The following NELL1 variants were observed in gnomAD, a reference collection of about 807,000 sequenced individuals.
NELL1 encodes neural EGFL like 1.
In NELL1, 76 loss-of-function variants were observed where a neutral mutation model predicts 107.4. That is an observed-to-expected ratio of 0.71 (90% CI 0.59 to 0.86). The LOEUF (loss-of-function observed/expected upper bound fraction) is 0.86, where lower values mean the gene tolerates loss of function less well. Among genes scored for constraint, NELL1 ranks in the 40% least tolerant of loss-of-function variants. The probability of loss-of-function intolerance (pLI) is 0.00; values close to 1 mark genes in which losing one functional copy is unlikely to be tolerated. For missense variants in NELL1, 1,024 were observed against 1,005.5 expected (o/e 1.02, Z -0.25); for synonymous variants, 353 against 341.2 (o/e 1.03, Z -0.38).
At chr11:20,822,237 A>C (rs1347758429) in intron 3 of NELL1, among the ~76,000 whole-genome samples, 1 of 152,208 alleles carries the variant, frequency 6.6e-6, no homozygotes, top group Non-Finnish European at 1.5e-5. Context: ...TGAAGAGGTA[A>C]GCTCAAGGGA....
intron 5 of NELL1, among the ~76,000 whole-genome samples, chr11:20,906,878 G>A (rs1351833076): frequency 6.6e-6 from 1 of 152,006 alleles, no homozygotes; most frequent in Non-Finnish European, 1.5e-5. Context: ...AAAACTCAGA[G>A]CTAGCATTAT....
rs1850252756 is a variant in NELL1 at position 20,916,218 on chromosome 11, C to T, written c.604-1964C>T. Among the ~76,000 whole-genome samples the T allele has an allele frequency of 2.0e-5, 3 of 151,874 alleles. No individual in the cohort carries two copies. In the South Asian group the frequency reaches 6.2e-4, roughly 31 times the overall value. On this transcript the variant is annotated intron_variant, in intron 5 of 19. Coordinates refer to ENST00000357134, the MANE Select transcript of NELL1 (RefSeq NM_006157.5). ...TATTTCTGTTTTTTGTTCAAGTCAA[C>T]ATCATTGACCTTCACCTAATGATCT...
chr11:20,744,104 C>T (rs1358621698), intron 2 of NELL1, among the ~76,000 whole-genome samples: 2 of 152,186 alleles, frequency 1.3e-5, no homozygotes, highest in African/African-American at 2.4e-5. Context: ...TCCATAGCCA[C>T]AATCTTATTC....
At chr11:20,928,727 A>G (rs16907052) in intron 9 of NELL1, among the ~76,000 whole-genome samples, 163 of 151,992 alleles carry the variant, frequency 1.1e-3, no homozygotes, top group Non-Finnish European at 2.0e-3. Flanking sequence ...CTTTCATTCT[A>G]TGTGGAAGGA....
intron 13 of NELL1, 115 bp downstream of exon 13, chr11:21,113,829 CTCTT>C (rs1429325439): frequency 9.7e-7 from 1 of 1,035,206 alleles, no homozygotes; most frequent in Admixed American, 2.9e-5. Context: ...AATAGTTCTT[CTCTT>C]TATTACTTCA....
chr11:21,045,382 C>A (rs1161522822), intron 12 of NELL1, among the ~76,000 whole-genome samples: 2 of 152,046 alleles, frequency 1.3e-5, no homozygotes, highest in South Asian at 2.1e-4. Context: ...TCCAGGGAGA[C>A]TTTTTCATAG....
At chr11:21,019,988 G>C (rs1852659737) in intron 12 of NELL1, among the ~76,000 whole-genome samples, 1 of 152,092 alleles carries the variant, frequency 6.6e-6, no homozygotes, top group African/African-American at 2.4e-5. Flanking sequence ...AGACTTTGCA[G>C]CTAGAATGTC....
intron 2 of NELL1, among the ~76,000 whole-genome samples, chr11:20,778,965 C>G (rs184621010): frequency 6.6e-6 from 1 of 152,112 alleles, no homozygotes; most frequent in East Asian, 1.9e-4. Flanking sequence ...TTTTTTCTCT[C>G]TCTCTCTGCT....
chr11:21,207,529 T>C (rs1857414944), intron 13 of NELL1, among the ~76,000 whole-genome samples: 1 of 152,176 alleles, frequency 6.6e-6, no homozygotes, highest in Non-Finnish European at 1.5e-5. Flanking sequence ...ATGGTAATAG[T>C]GTCAGTGGGA....
chr11:20,897,872 C>A (rs1225008232), intron 5 of NELL1, among the ~76,000 whole-genome samples: 1 of 152,134 alleles, frequency 6.6e-6, no homozygotes, highest in Non-Finnish European at 1.5e-5. Context: ...AATGAGATAC[C>A]ATCTCACACC....
intron 4 of NELL1, among the ~76,000 whole-genome samples, chr11:20,882,636 T>A (rs1849431385): frequency 6.6e-6 from 1 of 152,212 alleles, no homozygotes; most frequent in Non-Finnish European, 1.5e-5. Flanking sequence ...TCAGTGCCTA[T>A]TTCCTAAGAA....
At chr11:21,417,697 C>T (rs1023209620) in intron 15 of NELL1, among the ~76,000 whole-genome samples, 3 of 152,010 alleles carry the variant, frequency 2.0e-5, no homozygotes, top group Non-Finnish European at 2.9e-5. Context: ...TTGTCAAAAG[C>T]AACTTCCTTC....
chr11:21,031,811 G>A (rs1403798768), intron 12 of NELL1, among the ~76,000 whole-genome samples: 1 of 152,020 alleles, frequency 6.6e-6, no homozygotes, highest in African/African-American at 2.4e-5. Context: ...CACTTTGGAA[G>A]GGCGAGGCAG....
chr11:21,381,904 A>ATTTTTTTTTTT (rs149327802), intron 15 of NELL1, among the ~76,000 whole-genome samples: 46 of 91,370 alleles, frequency 5.0e-4, no homozygotes, highest in African/African-American at 2.0e-3. Flanking sequence ...CCTGGAAGGG[A>ATTTTTTTTTTT]TTTTTTTTTT....
At chr11:20,858,486 T>G (rs2134070432) in intron 4 of NELL1, among the ~76,000 whole-genome samples, 1 of 152,326 alleles carries the variant, frequency 6.6e-6, no homozygotes, top group South Asian at 2.1e-4. Flanking sequence ...AGGTTTAACC[T>G]TTTGGTAAAT....
chr11:20,735,203 C>T (rs75722855), intron 2 of NELL1, among the ~76,000 whole-genome samples: 4,709 of 152,130 alleles, frequency 0.031, 265 homozygotes, highest in African/African-American at 0.11. Context: ...TGAGGGTTGA[C>T]GGAGATGAGG....
intron 5 of NELL1, among the ~76,000 whole-genome samples, chr11:20,912,488 TA>T (rs1015581735): frequency 6.6e-6 from 1 of 151,954 alleles, no homozygotes; most frequent in Non-Finnish European, 1.5e-5. Context: ...GGGTGAAAAA[TA>T]AAAAAATGAG....
intron 14 of NELL1, among the ~76,000 whole-genome samples, chr11:21,306,520 A>T (rs373568021): frequency 4.6e-5 from 7 of 152,198 alleles, no homozygotes; most frequent in African/African-American, 1.7e-4. Flanking sequence ...GAACCTCTGC[A>T]CTAATTGCAG....
chr11:20,837,207 C>T (rs1253771812), intron 3 of NELL1, among the ~76,000 whole-genome samples: 7 of 151,978 alleles, frequency 4.6e-5, no homozygotes, highest in Admixed American at 1.3e-4. Flanking sequence ...AACCACTATA[C>T]GTGTATACAG....
Sources: allele counts gnomAD v4.1 joint callset (sites outside exome capture counted in the v4.1 genomes callset), GRCh38; gene constraint gnomAD v4.1.1; transcripts MANE v1.5; gene names NCBI Gene and HGNC (gene_info 2026-07-23, HGNC 2026-07-21).